Variants in SCHIP1 observed in about 807,000 individuals in gnomAD.
SCHIP1 encodes schwannomin-interacting protein 1.
SCHIP1 carries 8 observed loss-of-function variants against 29.7 expected under a neutral mutation model. The observed-to-expected ratio is 0.27, with a 90% confidence interval of 0.16 to 0.49. The LOEUF is 0.49. Among genes scored for constraint, SCHIP1 ranks in the 20% least tolerant of loss-of-function variants. The probability of loss-of-function intolerance (pLI) is 0.99; values close to 1 mark genes in which losing one functional copy is unlikely to be tolerated. For missense variants in SCHIP1, 193 were observed against 294.6 expected (o/e 0.66, Z 2.52); for synonymous variants, 76 against 94.9 (o/e 0.80, Z 1.16).
chr3:159,373,607 T>G, the SCHIP1 span, among the ~76,000 whole-genome samples: 1 of 152,092 alleles, frequency 6.6e-6, no homozygotes, highest in Non-Finnish European at 1.5e-5. Flanking sequence ...CATTCTACTC[T>G]CTGCTTCTTT....
chr3:159,887,389 T>C (rs1717067372), intron 3 of SCHIP1: 1 of 288,022 alleles, frequency 3.5e-6, no homozygotes, highest in Non-Finnish European at 6.7e-6. Flanking sequence ...ACGTAGGGCC[T>C]TGGCTTCGAG....
the SCHIP1 span, among the ~76,000 whole-genome samples, chr3:159,405,925 T>C: frequency 7.0e-6 from 1 of 141,866 alleles, no homozygotes; most frequent in East Asian, 2.0e-4. Context: ...ACAGAGAAGA[T>C]AAAAAATAAT....
intron 1 of SCHIP1, among the ~76,000 whole-genome samples, chr3:159,848,822 C>T (rs893566701): frequency 1.3e-5 from 2 of 152,062 alleles, no homozygotes; most frequent in African/African-American, 2.4e-5. Flanking sequence ...TGATGCCACA[C>T]ATAATAGGAA....
chr3:159,396,165 T>C, the SCHIP1 span, among the ~76,000 whole-genome samples: 1 of 146,914 alleles, frequency 6.8e-6, no homozygotes, highest in Non-Finnish European at 1.5e-5. Flanking sequence ...TTGTTTTCCA[T>C]TTGCTTGGTA....
At chr3:159,690,973 C>T in the SCHIP1 span, among the ~76,000 whole-genome samples, 1 of 152,038 alleles carries the variant, frequency 6.6e-6, no homozygotes, top group Non-Finnish European at 1.5e-5. Context: ...GTTATGATTT[C>T]CATTCTTTTG....
chr3:159,273,788 C>T, the SCHIP1 span: 1 of 1,611,828 alleles, frequency 6.2e-7, no homozygotes, highest in East Asian at 2.2e-5. Flanking sequence ...CAACTCTTCC[C>T]TCTCAAATGG....
chr3:159,470,318 A>G, the SCHIP1 span, among the ~76,000 whole-genome samples: 11 of 152,178 alleles, frequency 7.2e-5, no homozygotes, highest in African/African-American at 2.7e-4. Context: ...ATACATGGAG[A>G]AGAAGAGAGA....
At chr3:159,778,616 G>T in the SCHIP1 span, among the ~76,000 whole-genome samples, 1 of 152,180 alleles carries the variant, frequency 6.6e-6, no homozygotes, top group Non-Finnish European at 1.5e-5. Flanking sequence ...GGAGGGAGGG[G>T]AGAGTTAGGT....
At chr3:159,764,637 G>T in the SCHIP1 span, 1 of 1,606,136 alleles carries the variant, frequency 6.2e-7, no homozygotes, top group East Asian at 2.2e-5. This position sits in a 1 kb window ranked among gnomAD's most constrained non-coding sequence, Gnocchi z 6.1. Flanking sequence ...TCTACCAGAA[G>T]AAGGTGATTG....
chr3:159,819,454 C>T, the SCHIP1 span, among the ~76,000 whole-genome samples: 1 of 152,250 alleles, frequency 6.6e-6, no homozygotes, highest in East Asian at 1.9e-4. Flanking sequence ...AACCACCTAC[C>T]TTCCCCAACC....
the SCHIP1 span, among the ~76,000 whole-genome samples, chr3:159,794,028 C>G: frequency 6.6e-6 from 1 of 152,226 alleles, no homozygotes; most frequent in South Asian, 2.1e-4. Context: ...TCAGGATAGT[C>G]TCCCCATAGC....
At chr3:159,438,461 T>C in the SCHIP1 span, among the ~76,000 whole-genome samples, 1 of 152,168 alleles carries the variant, frequency 6.6e-6, no homozygotes, top group African/African-American at 2.4e-5. Context: ...AAATGGGTTC[T>C]GCTCCTCTTC....
chr3:159,674,569 T>C, the SCHIP1 span, among the ~76,000 whole-genome samples: 1 of 128,608 alleles, frequency 7.8e-6, no homozygotes, highest in Non-Finnish European at 1.6e-5. Flanking sequence ...AGGATTTTGA[T>C]CCACTGTTCT....
the SCHIP1 span, among the ~76,000 whole-genome samples, chr3:159,661,656 G>C: frequency 6.6e-6 from 1 of 152,202 alleles, no homozygotes; most frequent in Non-Finnish European, 1.5e-5. Flanking sequence ...TATGTATGGG[G>C]AGAGTGGGGT....
the SCHIP1 span, among the ~76,000 whole-genome samples, chr3:159,565,182 G>A: frequency 6.6e-6 from 1 of 152,094 alleles, no homozygotes; most frequent in Non-Finnish European, 1.5e-5. Context: ...TCATAGGTAG[G>A]GAGCCATCCA....
the SCHIP1 span, among the ~76,000 whole-genome samples, chr3:159,396,763 T>G: frequency 7.9e-5 from 12 of 151,788 alleles, no homozygotes; most frequent in South Asian, 2.1e-4. Flanking sequence ...ATTTTTTCCT[T>G]CATTTCAACT....
chr3:159,504,276 A>C, the SCHIP1 span, among the ~76,000 whole-genome samples: 1 of 152,226 alleles, frequency 6.6e-6, no homozygotes, highest in Non-Finnish European at 1.5e-5. Context: ...GAAATGATGT[A>C]AGGAGCTAAC....
chr3:159,399,139 G>A, the SCHIP1 span, among the ~76,000 whole-genome samples: 2 of 152,090 alleles, frequency 1.3e-5, no homozygotes, highest in Non-Finnish European at 2.9e-5. Flanking sequence ...TGCTTGGAAT[G>A]TTCTCCTCCC....
chr3:159,509,655 C>A, the SCHIP1 span, among the ~76,000 whole-genome samples: 159 of 152,280 alleles, frequency 1.0e-3, no homozygotes, highest in African/African-American at 3.6e-3. Flanking sequence ...TCTTTTAGGG[C>A]AGGCCTGGTG....
Sources: allele counts gnomAD v4.1 joint callset (sites outside exome capture counted in the v4.1 genomes callset), GRCh38; gene constraint gnomAD v4.1.1; non-coding constraint Gnocchi (gnomAD v3.1); transcripts MANE v1.5; gene names NCBI Gene and HGNC (gene_info 2026-07-23, HGNC 2026-07-21).